ZXDA: variants seen among roughly 807,000 people sequenced by gnomAD.
ZXDA encodes zinc finger X-linked duplicated A, also known as zinc finger X-linked protein ZXDA.
A neutral mutation model predicts 10.1 loss-of-function variants in ZXDA; 5 were observed. The observed-to-expected ratio is 0.50, with a 90% CI of 0.26 to 1.04. The LOEUF is 1.04. Ranked by LOEUF, ZXDA falls within the 50% of genes least tolerant of loss-of-function variation. The pLI is 0.14. For missense variants in ZXDA, 501 were observed against 672.4 expected, an observed-to-expected ratio of 0.75 and a Z score of 2.82; for synonymous variants, 266 against 313.1, an observed-to-expected ratio of 0.85 and a Z score of 1.59.
In ZXDA at chrX:57,907,718, G is replaced by A. The variant is rs962056633; in HGVS notation, c.*303C>T. The A allele has an allele frequency of 4.5e-6, 1 of 224,388 alleles. No individual in the cohort carries two copies. The highest frequency in any genetic ancestry group is 2.9e-5 in the African/African-American group (1 of 34,365). 18.5% of individuals were successfully genotyped at this position (224,388 alleles called of 1,213,427 possible). On this transcript the variant is annotated 3_prime_UTR_variant, in exon 1 of 1. Coordinates refer to ENST00000358697, the MANE Select transcript of ZXDA (RefSeq NM_007156.5). The stretch of plus-strand genomic sequence containing the variant: ...AATGCCCGAAAATTTTCAAGAAAAA[G>A]CACAAAATCACAAAACAAAACAAAA...
In ZXDA at chrX:57,906,999, C is replaced by T. The variant is rs1177928782; in HGVS notation, c.*1022G>A. On this transcript the variant is annotated 3_prime_UTR_variant, in exon 1 of 1. Transcript: ENST00000358697. ...ATAGGCTGAATACTCATTGCATGAG[C>T]TGGCTTTGAATGCAGACCGAAGATA... 1 of 112,446 alleles carries T rather than the reference C, an allele frequency of 8.9e-6. No individual in the cohort carries two copies. The highest frequency in any genetic ancestry group is 3.2e-5 in the African/African-American group (1 of 30,850). The allele number at this position is 112,446 out of a possible 1,213,427, so 9.3% of individuals were successfully genotyped here. A position where few individuals can be genotyped will look rare whatever the true frequency, so the allele number is the denominator to read the frequency against.
At position 57,907,154 on chromosome X, in the gene ZXDA, C is replaced by T. The variant is rs1332110132; in HGVS notation, c.*867G>A. The T allele has an allele frequency of 1.8e-5, 2 of 112,854 alleles. No homozygotes were observed. The highest frequency in any genetic ancestry group is 3.6e-4 in the South Asian group (1 of 2,755). 9.3% of individuals were successfully genotyped at this position (112,854 alleles called of 1,213,427 possible). Reference sequence around the variant, plus strand: ...CCTTCACAAATGTTTATTTCCTGCACAATCCTGATACTAATTTGTGCTAAT... The same window carrying T: ...CCTTCACAAATGTTTATTTCCTGCATAATCCTGATACTAATTTGTGCTAAT... On this transcript the variant is annotated 3_prime_UTR_variant, in exon 1 of 1. Coordinates refer to ENST00000358697, the MANE Select transcript of ZXDA (RefSeq NM_007156.5).
rs762410978 is a variant in ZXDA at position 57,907,204 on chromosome X, A to C, written c.*817T>G. 8.9e-6 allele frequency: 1 copy of C among 112,938 alleles called. No individual in the cohort carries two copies. The highest frequency in any genetic ancestry group is 1.9e-5 in the Non-Finnish European group (1 of 53,355). 9.3% of individuals were successfully genotyped at this position (112,938 alleles called of 1,213,427 possible). On this transcript the variant is annotated 3_prime_UTR_variant, in exon 1 of 1. Coordinates refer to ENST00000358697, the MANE Select transcript of ZXDA (RefSeq NM_007156.5). The stretch of plus-strand genomic sequence containing the variant: ...TTTCTCCCCTTTGAGGAGGGAAAAC[A>C]AGGGGCAGGAAAGGGAATGAAGATT...
chrX:57,910,261 C>T lies in ZXDA; in HGVS notation c.160G>A (p.Gly54Arg). ...LLLPRGPQDG[G>R]PGRRREEAST... ...GCCTCCTCGCGCCGCCGCCCGGGCCCGCCATCTTGGGGGCCCCGGGGCAGC... is the reference window on the plus strand; with the variant it reads ...GCCTCCTCGCGCCGCCGCCCGGGCCTGCCATCTTGGGGGCCCCGGGGCAGC... Residue 54 changes from glycine (G) to arginine (R), a missense_variant, in exon 1 of 1, where the codon GGG becomes AGG. By Grantham distance (125) the Gly-to-Arg change is moderately radical. Coordinates refer to ENST00000358697, the MANE Select transcript of ZXDA (RefSeq NM_007156.5). The T allele has an allele frequency of 9.0e-7, 1 of 1,108,996 alleles. No homozygotes were observed. Among genetic ancestry groups the T allele is most frequent in the Non-Finnish European group, 1.2e-6 (1 of 852,116 alleles). 91.4% of individuals were successfully genotyped at this position (1,108,996 alleles called of 1,213,427 possible). A position where few individuals can be genotyped will look rare whatever the true frequency, so the allele number is the denominator to read the frequency against.
Position 57,905,757 on chromosome X carries a change from CT to C in ZXDA, c.*2263del, listed in dbSNP as rs1391272089. Among the ~76,000 whole-genome samples the C allele has an allele frequency of 2.7e-5, 3 of 111,138 alleles. No individual in the cohort carries two copies. The highest frequency in any genetic ancestry group is 9.8e-5 in the African/African-American group (3 of 30,550). On this transcript the variant is annotated 3_prime_UTR_variant, in exon 1 of 1. Transcript: ENST00000358697. The stretch of plus-strand genomic sequence containing the variant: ...AAAAAAAATTTGTCCTTTGAAAATT[CT>C]ATAGACCATAACAAAAGCATAGCTT...
At position 57,909,946 on chromosome X, in the gene ZXDA, C is replaced by G. The variant is rs1346449055; in HGVS notation, c.475G>C (p.Ala159Pro). ...PAPISAPGPA[A>P]AFAGTVTIHN... Reference sequence around the variant, plus strand: ...ATAGTGACTGTGCCCGCGAAGGCCGCGGCGGGGCCGGGGGCGGAGATCGGG... The same window carrying G: ...ATAGTGACTGTGCCCGCGAAGGCCGGGGCGGGGCCGGGGGCGGAGATCGGG... The change falls in exon 1 of 1, where the codon GCG becomes CCG. Residue 159 changes from alanine (A) to proline (P), a missense_variant. Physicochemically the swap from Ala to Pro is conservative, Grantham distance 27. This residue lies in a region of ZXDA where 251 missense variants were observed against 221.6 expected (regional missense o/e 1.13). Transcript: ENST00000358697. 4.2e-5 allele frequency: 49 copies of G among 1,165,637 alleles called. No individual in the cohort carries two copies. The highest frequency in any genetic ancestry group is 5.6e-5 in the Non-Finnish European group (49 of 876,847).
Position 57,907,744 on chromosome X carries a change from CAAAACTG to C in ZXDA, c.*270_*276del. On this transcript the variant is annotated 3_prime_UTR_variant, in exon 1 of 1. Transcript: ENST00000358697. ...CACAAAATCACAAAACAAAACAAAA[CAAAACTG>C]AAAAGACCTTATGAGCAATGTGTTC... The C allele has an allele frequency of 3.7e-6, 1 of 270,356 alleles. No individual in the cohort carries two copies. Among genetic ancestry groups the C allele is most frequent in the Admixed American group, 5.9e-5 (1 of 17,034 alleles). The allele number at this position is 270,356 out of a possible 1,213,427, so 22.3% of individuals were successfully genotyped here.
In ZXDA at chrX:57,906,207, C is replaced by T. The variant is rs2014362156; in HGVS notation, c.*1814G>A. Among the ~76,000 whole-genome samples the T allele has an allele frequency of 8.9e-6, 1 of 112,013 alleles. No individual in the cohort carries two copies. The highest frequency in any genetic ancestry group is 1.9e-5 in the Non-Finnish European group (1 of 53,154). On this transcript the variant is annotated 3_prime_UTR_variant, in exon 1 of 1. Coordinates refer to ENST00000358697, the MANE Select transcript of ZXDA (RefSeq NM_007156.5). ...TTATCCCCAAGTATCCACATGTAAA[C>T]AATACTGGGTTACAATAGTTGAAAG...
rs1230096462 is a variant in ZXDA, at chrX:57,909,827, G to A, written c.594C>T (p.Ala198=). Residue 198 remains alanine (A), a synonymous_variant, in exon 1 of 1, where the codon GCC becomes GCT. Coordinates refer to ENST00000358697, the MANE Select transcript of ZXDA (RefSeq NM_007156.5). The stretch of plus-strand genomic sequence containing the variant: ...GGGCGATCAGACACCTGGGCTGCTG[G>A]GCAGGAGCGGCCCCTGGCTCCCAGG... ...PHAWEPGAAP[A]QQPRCLIAPQ... is the part of the protein sequence containing the mutation. The A allele has an allele frequency of 8.3e-7, 1 of 1,201,215 alleles. No homozygotes were observed. The highest frequency in any genetic ancestry group is 2.2e-5 in the Admixed American group (1 of 44,857).
rs2048178091 is a variant in ZXDA, at chrX:57,907,651, C to T, written c.*370G>A. On this transcript the variant is annotated 3_prime_UTR_variant, in exon 1 of 1. Coordinates refer to ENST00000358697, the MANE Select transcript of ZXDA (RefSeq NM_007156.5). ...TTTCATTATTTAGTGCTACAGGGCTCAAACCGCTTCTGATTACAAGTACAA... is the reference window on the plus strand; with the variant it reads ...TTTCATTATTTAGTGCTACAGGGCTTAAACCGCTTCTGATTACAAGTACAA... 1 of 137,730 alleles carries T rather than the reference C, an allele frequency of 7.3e-6. No individual in the cohort carries two copies. Among genetic ancestry groups the T allele is most frequent in the Admixed American group, 7.8e-5 (1 of 12,789 alleles). 11.4% of individuals were successfully genotyped at this position (137,730 alleles called of 1,213,427 possible). A position where few individuals can be genotyped will look rare whatever the true frequency, so the allele number is the denominator to read the frequency against.
rs2014390189 is a variant in ZXDA, at chrX:57,908,941, C to A, written c.1480G>T (p.Ala494Ser). ...VEGCGKSFTR[A>S]EHLKGHSITH... is the part of the protein sequence containing the mutation. ...ATGCTGTGGCCTTTCAGATGTTCGG[C>A]CCTCGTGAAAGATTTCCCACAGCCT... Residue 494 changes from alanine to serine, a missense_variant, in exon 1 of 1, where the codon GCC (alanine) becomes TCC (serine). This residue lies in a region of ZXDA where 171 missense variants were observed against 262.7 expected (regional missense o/e 0.65). Transcript: ENST00000358697. 2 of 1,209,463 alleles carry A rather than the reference C, an allele frequency of 1.7e-6. No homozygotes were observed. Among genetic ancestry groups the A allele is most frequent in the African/African-American group, 3.5e-5 (2 of 56,912 alleles).
In ZXDA at chrX:57,909,287, G is replaced by C. The variant is rs745343900; in HGVS notation, c.1134C>G (p.His378Gln). Reference protein sequence around the residue: ...SFPTQAKLGAHQRSHFEPERP... With the variant: ...SFPTQAKLGAQQRSHFEPERP... Reference sequence around the variant, plus strand: ...TCTCGGGTTCGAAGTGGCTGCGCTGGTGGGCGCCGAGTTTGGCCTGCGTGG... The same window carrying C: ...TCTCGGGTTCGAAGTGGCTGCGCTGCTGGGCGCCGAGTTTGGCCTGCGTGG... The change falls in exon 1 of 1, where the codon CAC becomes CAG. Residue 378 changes from histidine to glutamine, a missense_variant. Transcript: ENST00000358697. The C allele has an allele frequency of 4.1e-6, 5 of 1,212,162 alleles. No homozygotes were observed. The highest frequency in any genetic ancestry group is 5.6e-6 in the Non-Finnish European group (5 of 895,608).
In ZXDA at chrX:57,909,780, G is replaced by A. The variant is rs762125244; in HGVS notation, c.641C>T (p.Ala214Val). ...CTCTGGGCAGTCACCCGGGTGCGCG[G>A]CTTGCGGGAACCCAGCTTGGGGGGC... is the stretch of plus-strand genomic sequence containing the variant. ...LIAPQAGFPQ[A>V]AHPGDCPELR... Residue 214 changes from alanine (A) to valine (V), a missense_variant, in exon 1 of 1, where the codon GCC (alanine) becomes GTC (valine). Transcript: ENST00000358697. The A allele has an allele frequency of 8.3e-7, 1 of 1,199,435 alleles. No homozygotes were observed. The highest frequency in any genetic ancestry group is 1.1e-6 in the Non-Finnish European group (1 of 890,367).
In ZXDA at chrX:57,906,914, T is replaced by C. The variant is rs1220606980; in HGVS notation, c.*1107A>G. ...CTAAGAGTAAGCCAGCAATGAGCTC[T>C]CTAGGGCACAGAGGGGAGAAAAATC... On this transcript the variant is annotated 3_prime_UTR_variant, in exon 1 of 1. Coordinates refer to ENST00000358697, the MANE Select transcript of ZXDA (RefSeq NM_007156.5). 3.6e-5 allele frequency: 4 copies of C among 111,739 alleles called. No individual in the cohort carries two copies. The highest frequency in any genetic ancestry group is 7.5e-5 in the Non-Finnish European group (4 of 53,102). 9.2% of individuals were successfully genotyped at this position (111,739 alleles called of 1,213,427 possible). A position where few individuals can be genotyped will look rare whatever the true frequency, so the allele number is the denominator to read the frequency against.
rs1341399393 is a variant in ZXDA at position 57,905,603 on chromosome X, C to T, written c.*2418G>A. 3.6e-5 allele frequency among the ~76,000 whole-genome samples: 4 copies of T among 112,040 alleles called. No individual in the cohort carries two copies. Among genetic ancestry groups the T allele is most frequent in the Non-Finnish European group, 7.5e-5 (4 of 53,220 alleles). On this transcript the variant is annotated 3_prime_UTR_variant, in exon 1 of 1. Coordinates refer to ENST00000358697, the MANE Select transcript of ZXDA (RefSeq NM_007156.5). ...CACTAATATGTTTACAGTCACACTT[C>T]TGTCTGTAATTACATGCCATGTCAA...
Position 57,907,851 on chromosome X carries a change from G to T in ZXDA, c.*170C>A. ...TGACTTGCTGAGGGTCACACAACTT[G>T]TCAGTTCCAGACTCAAGATCAGAAT... On this transcript the variant is annotated 3_prime_UTR_variant, in exon 1 of 1. Transcript: ENST00000358697. 1 of 583,547 alleles carries T rather than the reference G, an allele frequency of 1.7e-6. No homozygotes were observed. Among genetic ancestry groups the T allele is most frequent in the Non-Finnish European group, 2.6e-6 (1 of 381,567 alleles). 48.1% of individuals were successfully genotyped at this position (583,547 alleles called of 1,213,427 possible).
rs1295447889 is a variant in ZXDA, at chrX:57,909,959, G to A, written c.462C>T (p.Ala154=). Residue 154 remains alanine, a synonymous_variant, in exon 1 of 1, where the codon GCC becomes GCT. Transcript: ENST00000358697. ...SAVPTPAPIS[A]PGPAAAFAGT... ...CCGCGAAGGCCGCGGCGGGGCCGGG[G>A]GCGGAGATCGGGGCCGGAGTGGGAA... 8 of 1,156,644 alleles carry A rather than the reference G, an allele frequency of 6.9e-6. No individual in the cohort carries two copies. Among genetic ancestry groups the A allele is most frequent in the Non-Finnish European group, 9.2e-6 (8 of 872,859 alleles).
chrX:57,906,656 C>CCACACACA lies in ZXDA; in HGVS notation c.*1364_*1365insTGTGTGTG, dbSNP rs1569184879. The CCACACACA allele has an allele frequency of 6.6e-4, 56 of 85,357 alleles. No individual in the cohort carries two copies. Among genetic ancestry groups the CCACACACA allele is most frequent in the African/African-American group, 2.6e-3 (51 of 19,886 alleles). The allele number at this position is 85,357 out of a possible 1,213,427, so 7.0% of individuals were successfully genotyped here. A position where few individuals can be genotyped will look rare whatever the true frequency, so the allele number is the denominator to read the frequency against. ...GGAAATATTTCCTCTTTGTTTTGAG[C>CCACACACA]TACACACACACACACACACACACAC... On this transcript the variant is annotated 3_prime_UTR_variant, in exon 1 of 1. Coordinates refer to ENST00000358697, the MANE Select transcript of ZXDA (RefSeq NM_007156.5).
At position 57,906,403 on chromosome X, in the gene ZXDA, A is replaced by T. The variant is rs1036545913; in HGVS notation, c.*1618T>A. 1.8e-5 allele frequency among the ~76,000 whole-genome samples: 2 copies of T among 112,108 alleles called. No individual in the cohort carries two copies. The highest frequency in any genetic ancestry group is 6.5e-5 in the African/African-American group (2 of 30,842). On this transcript the variant is annotated 3_prime_UTR_variant, in exon 1 of 1. Transcript: ENST00000358697. ...AATGTACACACATACTTGCAGTAAT[A>T]CTGTGACTGAAAAATGGGCCATAAG...
Sources: gnomAD v4.1 joint callset for allele counts (sites outside exome capture counted in the v4.1 genomes callset) on GRCh38, gnomAD v4.1.1 for gene constraint, gnomAD v4.1.1 regional missense constraint, MANE v1.5 for transcripts, NCBI Gene and HGNC (gene_info 2026-07-23, HGNC 2026-07-21) for gene names.